Variants in USP42 observed in about 807,000 individuals in gnomAD.
USP42 encodes the protein ubiquitin specific peptidase 42, also known as ubiquitin carboxyl-terminal hydrolase 42.
USP42 carries 23 observed loss-of-function variants against 113.0 expected under a neutral mutation model. The ratio of observed to expected loss-of-function variants is 0.20; its 90% CI spans 0.15 to 0.29. The LOEUF is 0.29. Ranked by LOEUF, USP42 falls within the 10% of genes least tolerant of loss-of-function variation. The probability of loss-of-function intolerance (pLI) is 1.00; values close to 1 mark genes in which losing one functional copy is unlikely to be tolerated. For synonymous variants in USP42, 933 were observed against 699.0 expected, an observed-to-expected ratio of 1.33 and a Z score of -5.28; for missense variants, 2,174 against 1,779.8, an observed-to-expected ratio of 1.22 and a Z score of -3.99.
intron 9 of USP42, 136 bp downstream of exon 9, chr7:6,144,332 T>C: frequency 1.6e-6 from 1 of 614,960 alleles, no homozygotes; most frequent in Non-Finnish European, 2.8e-6. Flanking sequence ...GGCTTCATTG[T>C]CTGTTTTGTT....
chr7:6,143,527 A>G (rs1781542359), intron 8 of USP42, among the ~76,000 whole-genome samples: 1 of 152,152 alleles, frequency 6.6e-6, no homozygotes, highest in South Asian at 2.1e-4. Context: ...TATTTTAAGA[A>G]AGCTCTTTTG....
chr7:6,129,361 G>C (rs1400001914), intron 3 of USP42, among the ~76,000 whole-genome samples: 1 of 151,706 alleles, frequency 6.6e-6, no homozygotes, highest in Non-Finnish European at 1.5e-5. Flanking sequence ...TTTGAGACCA[G>C]CCTGGCCAAC....
chr7:6,104,038 G>T (rs1779108133), upstream of USP42, among the ~76,000 whole-genome samples: 1 of 151,116 alleles, frequency 6.6e-6, no homozygotes, highest in Non-Finnish European at 1.5e-5. Flanking sequence ...GAGTTAGGTC[G>T]TGAAATTGCA....
At chr7:6,156,625 A>G in intron 15 of USP42, 129 bp from the exon 16 acceptor site, 1 of 1,373,206 alleles carries the variant, frequency 7.3e-7, no homozygotes, top group Non-Finnish European at 9.4e-7. Flanking sequence ...TACGTGGCTA[A>G]TTAGATAAGA....
intron 2 of USP42, chr7:6,111,761 C>T (rs1779608264): frequency 6.5e-6 from 1 of 154,048 alleles, no homozygotes; most frequent in Non-Finnish European, 1.3e-5. Context: ...TGCCACCAAG[C>T]CCGGCTAATT....
chr7:6,145,476 T>A, intron 9 of USP42, 40 bp from the exon 10 acceptor site: 1 of 1,613,186 alleles, frequency 6.2e-7, no homozygotes, highest in Non-Finnish European at 8.5e-7. Flanking sequence ...GAATGATCTG[T>A]GCCCTCGGAA....
chr7:6,141,042 T>C lies in USP42; in HGVS notation c.795+58T>C, dbSNP rs1583650068. 6.9e-6 allele frequency: 6 copies of C among 865,024 alleles called. No individual in the cohort carries two copies. In the East Asian group the frequency reaches 1.6e-4, roughly 23 times the overall value. The allele number at this position is 865,024 out of a possible 1,614,324, so 53.6% of individuals were successfully genotyped here. A position where few individuals can be genotyped will look rare whatever the true frequency, so the allele number is the denominator to read the frequency against. On this transcript the variant is annotated intron_variant, in intron 7 of 17. Coordinates refer to ENST00000306177, the MANE Select transcript of USP42 (RefSeq NM_032172.3). Reference sequence around the variant, plus strand: ...TTTAAAATAAGTCATTTTATGTAACTGTAGTTCATTTATAATTTAGACTAC... The same window carrying C: ...TTTAAAATAAGTCATTTTATGTAACCGTAGTTCATTTATAATTTAGACTAC...
In USP42 at chr7:6,120,852, G is replaced by A. The variant is rs1434033077; in HGVS notation, c.442+5329G>A. Among the ~76,000 whole-genome samples the A allele has an allele frequency of 3.9e-5, 6 of 152,172 alleles. No homozygotes were observed. In the East Asian group the frequency reaches 1.2e-3, roughly 29 times the overall value. On this transcript the variant is annotated intron_variant, in intron 3 of 17. Transcript: ENST00000306177. ...ACCTGCCTCGGCCTCCCAAAGTGCT[G>A]GGATTACAGGGGTGAGCCACTGCAC...
chr7:6,151,879 T>TA (rs972324811), intron 14 of USP42, among the ~76,000 whole-genome samples: 1 of 152,236 alleles, frequency 6.6e-6, no homozygotes, highest in Non-Finnish European at 1.5e-5. Flanking sequence ...CTTGGACTGT[T>TA]ACAGTGACGG....
At chr7:6,118,275 G>A (rs1463720567) in intron 3 of USP42, among the ~76,000 whole-genome samples, 2 of 151,954 alleles carry the variant, frequency 1.3e-5, no homozygotes, top group Admixed American at 6.6e-5. Context: ...TGGTTCATGT[G>A]TTTTGGGAGG....
At chr7:6,114,676 ATATTTTTTTTTTTT>A (rs1459003345) in intron 2 of USP42, among the ~76,000 whole-genome samples, 3,896 of 30,994 alleles carry the variant, frequency 0.13, 84 homozygotes, top group African/African-American at 0.17. Context: ...ATATATATAT[ATATTTTTTTTTTTT>A]TTTTTTTTTT....
At position 6,159,123 on chromosome 7, in the gene USP42, C is replaced by T. The variant is rs913927945; in HGVS notation, c.3944-327C>T. The stretch of plus-strand genomic sequence containing the variant: ...GCGGGTCCCCCTCTACCCTGGACTT[C>T]GGCCCCTTGTCTTTCTCTTTCAAAC... On this transcript the variant is annotated intron_variant, in intron 16 of 17. Transcript: ENST00000306177. The surrounding 1 kb of genome is among the most constrained non-coding windows in gnomAD (Gnocchi z 4.1). 5.3e-5 allele frequency among the ~76,000 whole-genome samples: 8 copies of T among 152,172 alleles called. No individual in the cohort carries two copies. Among genetic ancestry groups the T allele is most frequent in the South Asian group, 2.1e-4 (1 of 4,828 alleles).
At chr7:6,099,154 T>G in the USP42 span, among the ~76,000 whole-genome samples, 1 of 149,338 alleles carries the variant, frequency 6.7e-6, no homozygotes, top group South Asian at 2.1e-4. Context: ...GGCTCTGCTC[T>G]CTGGCTTTCT....
rs1171410044 is a variant in USP42 at position 6,150,110 on chromosome 7, C to G, written c.1914C>G (p.Gly638=). ...CGATTGTGAGCTCCCACTCTCCCGG[C>G]CAAGATGCCGAAGATGAGGAGGCCA... ...IGTIVSSHSP[G]QDAEDEEATP... is the part of the protein sequence containing the mutation. Residue 638 remains glycine (G), a synonymous_variant, in exon 13 of 18, where the codon GGC becomes GGG. Coordinates refer to ENST00000306177, the MANE Select transcript of USP42 (RefSeq NM_032172.3). The G allele has an allele frequency of 6.2e-7, 1 of 1,612,104 alleles. No individual in the cohort carries two copies. Among genetic ancestry groups the G allele is most frequent in the Non-Finnish European group, 8.5e-7 (1 of 1,179,138 alleles).
At chr7:6,119,249 A>G (rs1252107997) in intron 3 of USP42, among the ~76,000 whole-genome samples, 1 of 152,040 alleles carries the variant, frequency 6.6e-6, no homozygotes, top group Admixed American at 6.6e-5. Context: ...AAGTCCTCCA[A>G]CTTTGTTCTT....
At chr7:6,085,543 G>T in the USP42 span, among the ~76,000 whole-genome samples, 1 of 149,564 alleles carries the variant, frequency 6.7e-6, no homozygotes, top group Admixed American at 6.7e-5. Flanking sequence ...ATAGAAGAGG[G>T]ACCTGCTGTA....
chr7:6,133,345 G>T (rs550201952), intron 3 of USP42, among the ~76,000 whole-genome samples: 1 of 152,230 alleles, frequency 6.6e-6, no homozygotes, highest in Non-Finnish European at 1.5e-5. Flanking sequence ...ACTTAAAATT[G>T]TCCCATAGCT....
chr7:6,103,178 T>C (rs1033245996), upstream of USP42, among the ~76,000 whole-genome samples: 15 of 150,762 alleles, frequency 9.9e-5, no homozygotes, highest in African/African-American at 3.2e-4. Context: ...CAATAAATGA[T>C]TGGATGTGTG....
intron 9 of USP42, 95 bp downstream of exon 9, chr7:6,144,291 T>A (rs1293617236): frequency 1.3e-6 from 1 of 788,574 alleles, no homozygotes; most frequent in African/African-American, 1.8e-5. Context: ...GACTTTCTCA[T>A]GACAAAATTG....
Sources: allele counts gnomAD v4.1 joint callset (sites outside exome capture counted in the v4.1 genomes callset), GRCh38; gene constraint gnomAD v4.1.1; non-coding constraint Gnocchi (gnomAD v3.1); transcripts MANE v1.5; gene names NCBI Gene and HGNC (gene_info 2026-07-23, HGNC 2026-07-21).